Variants in SLC25A26 observed in about 807,000 individuals in gnomAD.
SLC25A26 encodes solute carrier family 25 member 26.
Under a neutral mutation model 37.8 loss-of-function variants are expected in SLC25A26, and 36 were observed. The ratio of observed to expected loss-of-function variants is 0.95; its 90% CI spans 0.73 to 1.26. SLC25A26 has a LOEUF of 1.26. Ranked by LOEUF, SLC25A26 falls within the 50% of genes most tolerant of loss-of-function variation. The pLI, the probability that SLC25A26 is intolerant of heterozygous loss-of-function variation, is 0.00. For missense variants in SLC25A26, 390 were observed against 331.1 expected (o/e 1.18, Z -1.38); for synonymous variants, 129 against 122.5 (o/e 1.05, Z -0.35).
At chr3:66,317,329 G>A (rs1260743338) in intron 5 of SLC25A26, among the ~76,000 whole-genome samples, 2 of 152,024 alleles carry the variant, frequency 1.3e-5, no homozygotes, top group Non-Finnish European at 2.9e-5. Flanking sequence ...TGTTGCTTTC[G>A]GTTTGTTTTT....
intron 3 of SLC25A26, among the ~76,000 whole-genome samples, chr3:66,249,381 T>C (rs1362966005): frequency 6.6e-6 from 1 of 152,238 alleles, no homozygotes; most frequent in Non-Finnish European, 1.5e-5. Context: ...CATGTTCTTA[T>C]TCAGCTTTCC....
chr3:66,339,846 A>G (rs1284828107), intron 5 of SLC25A26, among the ~76,000 whole-genome samples: 2 of 152,050 alleles, frequency 1.3e-5, no homozygotes, highest in South Asian at 2.1e-4. Flanking sequence ...ATTGATGCAC[A>G]TATGTTTTTA....
chr3:66,226,510 G>T (rs2071760621), intron 1 of SLC25A26, among the ~76,000 whole-genome samples: 1 of 151,988 alleles, frequency 6.6e-6, no homozygotes, highest in Non-Finnish European at 1.5e-5. Context: ...GTCTTCCTCT[G>T]TTGCCCAGGC....
At chr3:66,163,342 C>T (rs2070385147) in intron 1 of SLC25A26, among the ~76,000 whole-genome samples, 1 of 152,138 alleles carries the variant, frequency 6.6e-6, no homozygotes, top group African/African-American at 2.4e-5. Context: ...AACCACTCTG[C>T]AAGATTGATA....
chr3:66,243,137 C>T, intron 2 of SLC25A26, 66 bp from the exon 3 acceptor site: 1 of 733,258 alleles, frequency 1.4e-6, no homozygotes, highest in Non-Finnish European at 2.4e-6. Context: ...TTTTGAGAAA[C>T]ATGTTTCTTA....
intron 1 of SLC25A26, among the ~76,000 whole-genome samples, chr3:66,204,548 C>A (rs1235486902): frequency 1.3e-5 from 2 of 151,696 alleles, no homozygotes; most frequent in African/African-American, 4.8e-5. Flanking sequence ...GAGGTTTATC[C>A]TTTCGGATTT....
chr3:66,369,606 C>A, intron 8 of SLC25A26, 64 bp downstream of exon 8: 1 of 1,367,850 alleles, frequency 7.3e-7, no homozygotes, highest in South Asian at 1.3e-5. Flanking sequence ...ACTAGGACTA[C>A]AGGTGTATAA....
At chr3:66,359,827 A>G (rs1472718319) in intron 6 of SLC25A26, among the ~76,000 whole-genome samples, 6 of 152,216 alleles carry the variant, frequency 3.9e-5, no homozygotes, top group South Asian at 2.1e-4. Flanking sequence ...TTTAATGGCA[A>G]TATTATCTTT....
At position 66,377,836 on chromosome 3, in the gene SLC25A26, G is replaced by C; in HGVS notation, c.*29G>C. 6.5e-7 allele frequency: 1 copy of C among 1,542,900 alleles called. No homozygotes were observed. The highest frequency in any genetic ancestry group is 1.1e-5 in the South Asian group (1 of 89,604). ...AGAGACAAGCCTCACCTCCACTTCT[G>C]TCAAGAGAGGGGCCTGCAGTGCAAA... On this transcript the variant is annotated 3_prime_UTR_variant, in exon 10 of 10. Coordinates refer to ENST00000354883, the MANE Select transcript of SLC25A26 (RefSeq NM_001379210.1).
intron 5 of SLC25A26, among the ~76,000 whole-genome samples, chr3:66,315,420 C>G (rs899246787): frequency 6.6e-6 from 1 of 151,840 alleles, no homozygotes; most frequent in Non-Finnish European, 1.5e-5. Context: ...TTCCATATAC[C>G]TTTGTGGTGT....
chr3:66,348,584 A>G (rs532579555), intron 6 of SLC25A26, among the ~76,000 whole-genome samples: 1 of 152,324 alleles, frequency 6.6e-6, no homozygotes, highest in Admixed American at 6.5e-5. Flanking sequence ...TACAAAATGC[A>G]TTTTGAAGAG....
At chr3:66,183,268 T>A (rs571785574) in intron 1 of SLC25A26, among the ~76,000 whole-genome samples, 4 of 152,004 alleles carry the variant, frequency 2.6e-5, no homozygotes, top group Admixed American at 6.6e-5. Flanking sequence ...ACACAGGACA[T>A]GACCTTGTCC....
chr3:66,241,987 T>C (rs901648713), intron 2 of SLC25A26, among the ~76,000 whole-genome samples: 1 of 152,138 alleles, frequency 6.6e-6, no homozygotes, highest in African/African-American at 2.4e-5. Context: ...CTTTAACTTG[T>C]TCAGCCCCCA....
At chr3:66,369,871 A>C (rs1175416258) in intron 8 of SLC25A26, among the ~76,000 whole-genome samples, 1 of 152,232 alleles carries the variant, frequency 6.6e-6, no homozygotes, top group Non-Finnish European at 1.5e-5. Flanking sequence ...GGTAAGTGAC[A>C]GGCTTTGAAC....
At chr3:66,157,034 A>C (rs184413728) in intron 1 of SLC25A26, among the ~76,000 whole-genome samples, 9 of 152,076 alleles carry the variant, frequency 5.9e-5, no homozygotes, top group African/African-American at 1.9e-4. Flanking sequence ...GGAGTTCAAG[A>C]CCAGCCTGGA....
At chr3:66,340,654 A>T (rs2076188917) in intron 5 of SLC25A26, among the ~76,000 whole-genome samples, 1 of 152,010 alleles carries the variant, frequency 6.6e-6, no homozygotes, top group African/African-American at 2.4e-5. Flanking sequence ...AGTGCCATTT[A>T]TTGAAAATAT....
upstream of SLC25A26, among the ~76,000 whole-genome samples, chr3:66,217,998 T>C (rs1490912387): frequency 6.6e-6 from 1 of 152,232 alleles, no homozygotes; most frequent in African/African-American, 2.4e-5. Flanking sequence ...CACTTCATAG[T>C]CAATACTTTG....
At chr3:66,355,552 G>A (rs1020832252) in intron 6 of SLC25A26, among the ~76,000 whole-genome samples, 1 of 152,148 alleles carries the variant, frequency 6.6e-6, no homozygotes, top group South Asian at 2.1e-4. Flanking sequence ...GCTATGGTGT[G>A]GCGGAATGAA....
chr3:66,376,609 A>G (rs992007724), intron 9 of SLC25A26, among the ~76,000 whole-genome samples: 1 of 152,274 alleles, frequency 6.6e-6, no homozygotes, highest in East Asian at 1.9e-4. Flanking sequence ...CATACTTAAT[A>G]GACTGTAGTA....
Sources: gnomAD v4.1 joint callset for allele counts (sites outside exome capture counted in the v4.1 genomes callset) on GRCh38, gnomAD v4.1.1 for gene constraint, MANE v1.5 for transcripts, NCBI Gene and HGNC (gene_info 2026-07-23, HGNC 2026-07-21) for gene names.